Variants in MAF observed in about 807,000 individuals in gnomAD.
MAF encodes the protein MAF bZIP transcription factor.
MAF carries 10 observed loss-of-function variants against 22.0 expected under a neutral mutation model. That is an observed-to-expected ratio of 0.45 (90% confidence interval 0.28 to 0.77). The LOEUF (loss-of-function observed/expected upper bound fraction) is 0.77, where lower values mean the gene tolerates loss of function less well. MAF is among the 30% of genes least tolerant of loss of function. The probability of loss-of-function intolerance (pLI) is 0.12; values close to 1 mark genes in which losing one functional copy is unlikely to be tolerated. For missense variants in MAF, 544 were observed against 548.4 expected, an observed-to-expected ratio of 0.99 and a Z score of 0.08; for synonymous variants, 337 against 255.8, an observed-to-expected ratio of 1.32 and a Z score of -3.03.
chr16:79,539,976 T>A, the MAF span, among the ~76,000 whole-genome samples: 2 of 151,984 alleles, frequency 1.3e-5, no homozygotes, highest in Non-Finnish European at 2.9e-5. Context: ...AACAAAAAAA[T>A]ATATATATAA....
chr16:79,513,855 C>G, the MAF span, among the ~76,000 whole-genome samples: 1 of 152,146 alleles, frequency 6.6e-6, no homozygotes, highest in Non-Finnish European at 1.5e-5. Flanking sequence ...TAGGCTGTGT[C>G]CCATGCAAAC....
At chr16:79,340,160 G>A in the MAF span, among the ~76,000 whole-genome samples, 10 of 151,970 alleles carry the variant, frequency 6.6e-5, no homozygotes, top group Admixed American at 4.6e-4. Flanking sequence ...CGGAGGAGGA[G>A]GTGATTTTAT....
At chr16:79,424,344 G>A in the MAF span, among the ~76,000 whole-genome samples, 80 of 152,222 alleles carry the variant, frequency 5.3e-4, 1 homozygote, top group African/African-American at 1.8e-3. Context: ...CAATACCACC[G>A]GCCAGCTTGA....
chr16:79,361,221 C>T, the MAF span, among the ~76,000 whole-genome samples: 1 of 152,122 alleles, frequency 6.6e-6, no homozygotes, highest in Non-Finnish European at 1.5e-5. Context: ...CTGTTGTCCC[C>T]TCATTAGGAG....
chr16:79,349,969 C>T, the MAF span, among the ~76,000 whole-genome samples: 1 of 152,184 alleles, frequency 6.6e-6, no homozygotes, highest in Non-Finnish European at 1.5e-5. Context: ...TGCCTTTGCA[C>T]TCTGGTTGGC....
At chr16:79,277,869 G>A in the MAF span, among the ~76,000 whole-genome samples, 117 of 152,286 alleles carry the variant, frequency 7.7e-4, 1 homozygote, top group African/African-American at 2.8e-3. Context: ...CATTATATCT[G>A]TGCCTCCTAA....
the MAF span, among the ~76,000 whole-genome samples, chr16:79,427,227 A>T: frequency 6.6e-6 from 1 of 152,216 alleles, no homozygotes; most frequent in Non-Finnish European, 1.5e-5. Context: ...GAGCTGCCAC[A>T]ATCAATGATC....
chr16:79,497,789 C>A, the MAF span, among the ~76,000 whole-genome samples: 1 of 152,170 alleles, frequency 6.6e-6, no homozygotes, highest in Admixed American at 6.5e-5. Flanking sequence ...AAAGAGGAAG[C>A]CTCTGAATTT....
chr16:79,463,369 C>T, the MAF span, among the ~76,000 whole-genome samples: 1 of 152,176 alleles, frequency 6.6e-6, no homozygotes, highest in Non-Finnish European at 1.5e-5. Flanking sequence ...TTTTTAAATG[C>T]CAGCTTACCT....
At chr16:79,374,963 TA>T in the MAF span, among the ~76,000 whole-genome samples, 1 of 152,208 alleles carries the variant, frequency 6.6e-6, no homozygotes, top group Non-Finnish European at 1.5e-5. Context: ...GTTGTATACA[TA>T]AGCTCAACTA....
chr16:79,331,407 T>G, the MAF span, among the ~76,000 whole-genome samples: 1 of 152,224 alleles, frequency 6.6e-6, no homozygotes, highest in Non-Finnish European at 1.5e-5. Context: ...GAAACAAGTA[T>G]TTCTTAATCT....
At chr16:79,290,430 T>G in the MAF span, among the ~76,000 whole-genome samples, 1 of 152,170 alleles carries the variant, frequency 6.6e-6, no homozygotes, top group Non-Finnish European at 1.5e-5. Context: ...CTGAATACCC[T>G]TTGGGTTCAA....
the MAF span, among the ~76,000 whole-genome samples, chr16:79,453,296 T>C: frequency 6.6e-6 from 1 of 152,164 alleles, no homozygotes; most frequent in Non-Finnish European, 1.5e-5. Context: ...CCATGCTTCC[T>C]AGTCAAACTC....
the MAF span, among the ~76,000 whole-genome samples, chr16:79,255,910 C>A: frequency 3.3e-3 from 501 of 151,770 alleles, 9 homozygotes; most frequent in East Asian, 0.023. Context: ...AAATGATCAA[C>A]ACTGAAAGCT....
At chr16:79,581,544 G>C (rs917393461), downstream of MAF, among the ~76,000 whole-genome samples, 1 of 152,054 alleles carries the variant, frequency 6.6e-6, no homozygotes, top group Non-Finnish European at 1.5e-5. Flanking sequence ...AGCGACCTCA[G>C]GGTCAATTTC....
chr16:79,297,129 G>C, the MAF span, among the ~76,000 whole-genome samples: 1 of 152,134 alleles, frequency 6.6e-6, no homozygotes, highest in African/African-American at 2.4e-5. Context: ...ATGCAGTCTG[G>C]ATGATGTTAA....
the MAF span, among the ~76,000 whole-genome samples, chr16:79,397,245 C>G: frequency 6.6e-6 from 1 of 152,196 alleles, no homozygotes; most frequent in African/African-American, 2.4e-5. Context: ...TGCACTGAGT[C>G]TTTACCGTGG....
the MAF span, among the ~76,000 whole-genome samples, chr16:79,486,747 T>A: frequency 6.6e-6 from 1 of 152,214 alleles, no homozygotes; most frequent in Non-Finnish European, 1.5e-5. Flanking sequence ...CTTTCCTCTG[T>A]AACATTACTT....
At chr16:79,374,105 A>C in the MAF span, among the ~76,000 whole-genome samples, 1 of 152,138 alleles carries the variant, frequency 6.6e-6, no homozygotes, top group Non-Finnish European at 1.5e-5. Flanking sequence ...CAAACAAGTA[A>C]AAAAATACAA....
Sources: gnomAD v4.1 joint callset for allele counts (sites outside exome capture counted in the v4.1 genomes callset) on GRCh38, gnomAD v4.1.1 for gene constraint, MANE v1.5 for transcripts, NCBI Gene and HGNC (gene_info 2026-07-23, HGNC 2026-07-21) for gene names.